The following SEMA3A variants were observed in gnomAD, a reference collection of about 807,000 sequenced individuals.
SEMA3A encodes semaphorin 3A, also known as semaphorin-3A.
Under a neutral mutation model 97.9 loss-of-function variants are expected in SEMA3A, and 29 were observed. The ratio of observed to expected loss-of-function variants is 0.30; its 90% CI spans 0.22 to 0.40. The LOEUF is 0.40. Ranked by LOEUF, SEMA3A falls within the 10% of genes least tolerant of loss-of-function variation. SEMA3A has a pLI of 1.00. For missense variants in SEMA3A, 763 were observed against 951.3 expected, an observed-to-expected ratio of 0.80 and a Z score of 2.60; for synonymous variants, 321 against 323.7, an observed-to-expected ratio of 0.99 and a Z score of 0.09.
chr7:84,368,870 G>A (rs953452200), intron 2 of SEMA3A, among the ~76,000 whole-genome samples: 8 of 150,774 alleles, frequency 5.3e-5, no homozygotes, highest in Admixed American at 2.7e-4. Context: ...ATAATAACAA[G>A]TGTAAGATAA....
At chr7:84,202,175 G>A (rs2116298864) in intron 3 of SEMA3A, among the ~76,000 whole-genome samples, 1 of 152,194 alleles carries the variant, frequency 6.6e-6, no homozygotes, top group African/African-American at 2.4e-5. Context: ...GGCAACTATA[G>A]TTTGCAATAT....
intron 2 of SEMA3A, among the ~76,000 whole-genome samples, chr7:84,315,388 G>A (rs1801471546): frequency 6.6e-6 from 1 of 151,904 alleles, no homozygotes; most frequent in Non-Finnish European, 1.5e-5. Flanking sequence ...TTGGATGATC[G>A]ACACAATAAC....
At chr7:84,412,751 T>C (rs150083587) in intron 1 of SEMA3A, among the ~76,000 whole-genome samples, 2,366 of 152,286 alleles carry the variant, frequency 0.016, 67 homozygotes, top group African/African-American at 0.053. Flanking sequence ...ACTATTTCCA[T>C]GATTTCTTCC....
At position 84,002,878 on chromosome 7, in the gene SEMA3A, CACTCTT is replaced by C. The variant is rs545815166; in HGVS notation, c.1361-838_1361-833del. Among the ~76,000 whole-genome samples the C allele has an allele frequency of 1.4e-4, 22 of 152,216 alleles. No homozygotes were observed. In the South Asian group the frequency reaches 3.5e-3, roughly 24 times the overall value. ...AACTTGTTTTAATGACAAGAGTTGT[CACTCTT>C]ACTCTAAGTTGGGCTTAAAAGTTAT... On this transcript the variant is annotated intron_variant, in intron 11 of 16. Coordinates refer to ENST00000265362, the MANE Select transcript of SEMA3A (RefSeq NM_006080.3).
At chr7:84,179,963 C>CTTTT (rs1215492615) in intron 1 of SEMA3A, among the ~76,000 whole-genome samples, 2 of 109,440 alleles carry the variant, frequency 1.8e-5, no homozygotes, top group Admixed American at 1.0e-4. Context: ...CTTGACTGTT[C>CTTTT]TTTTTTTTTT....
intron 2 of SEMA3A, among the ~76,000 whole-genome samples, chr7:84,312,664 T>A (rs1228971350): frequency 1.3e-5 from 2 of 149,356 alleles, no homozygotes; most frequent in Admixed American, 1.3e-4. Context: ...CACATTTGTG[T>A]GCTTGTACAC....
chr7:84,177,897 G>A (rs1053621214), intron 1 of SEMA3A, among the ~76,000 whole-genome samples: 1 of 152,062 alleles, frequency 6.6e-6, no homozygotes. Flanking sequence ...TGCAACTACT[G>A]GAATATCTTG....
At chr7:84,079,234 A>C (rs539749487) in intron 4 of SEMA3A, among the ~76,000 whole-genome samples, 6 of 152,122 alleles carry the variant, frequency 3.9e-5, no homozygotes, top group Non-Finnish European at 8.8e-5. Context: ...CATTCGACCT[A>C]AAACCATAAA....
chr7:84,295,234 G>C (rs1017696034), intron 3 of SEMA3A, among the ~76,000 whole-genome samples: 1 of 151,752 alleles, frequency 6.6e-6, no homozygotes, highest in Non-Finnish European at 1.5e-5. Flanking sequence ...ATGGTCTCTT[G>C]GTTCAAAATA....
At chr7:84,416,619 A>G (rs1467376635) in intron 1 of SEMA3A, among the ~76,000 whole-genome samples, 1 of 152,258 alleles carries the variant, frequency 6.6e-6, no homozygotes, top group Admixed American at 6.6e-5. Flanking sequence ...ATTTAGCTTA[A>G]AAACGCAAAG....
intron 2 of SEMA3A, among the ~76,000 whole-genome samples, chr7:84,309,327 G>C (rs1188718892): frequency 6.6e-6 from 1 of 152,172 alleles, no homozygotes; most frequent in Non-Finnish European, 1.5e-5. Flanking sequence ...GAAGTTCTGA[G>C]TTCCTTCTGG....
Position 84,311,215 on chromosome 7 carries a change from CT to C in SEMA3A, c.-168-3924del, listed in dbSNP as rs1801307327. Among the ~76,000 whole-genome samples, 7 of 152,014 alleles carry C rather than the reference CT, an allele frequency of 4.6e-5. No homozygotes were observed. In the South Asian group the frequency reaches 1.5e-3, roughly 32 times the overall value. On this transcript the variant is annotated intron_variant, in intron 2 of 3. Coordinates refer to the SEMA3A transcript ENST00000424555. ...ATTAGACATACAACCAAAATATAAC[CT>C]TCTGGCCAGCTGGGACTTGTTTTTT...
intron 4 of SEMA3A, among the ~76,000 whole-genome samples, chr7:84,072,449 G>A (rs1262037869): frequency 6.6e-6 from 1 of 152,060 alleles, no homozygotes; most frequent in Non-Finnish European, 1.5e-5. Flanking sequence ...GCAGCTCTGG[G>A]ATGTAGGCAA....
At chr7:84,021,310 T>C (rs973081107) in intron 6 of SEMA3A, among the ~76,000 whole-genome samples, 2 of 152,218 alleles carry the variant, frequency 1.3e-5, no homozygotes, top group African/African-American at 4.8e-5. Context: ...TTTTATAACA[T>C]TTAATTCTTT....
intron 1 of SEMA3A, among the ~76,000 whole-genome samples, chr7:84,425,744 T>G (rs879798902): frequency 1.3e-5 from 2 of 149,156 alleles, no homozygotes; most frequent in Non-Finnish European, 3.0e-5. Flanking sequence ...AGTCTGAGGT[T>G]CGCAGATCAC....
At chr7:84,301,499 T>A (rs1344267965) in intron 3 of SEMA3A, among the ~76,000 whole-genome samples, 1 of 152,102 alleles carries the variant, frequency 6.6e-6, no homozygotes, top group Non-Finnish European at 1.5e-5. Context: ...CTCAATATCA[T>A]CAGTTATCAG....
chr7:84,447,714 T>C (rs1384099245), intron 1 of SEMA3A, among the ~76,000 whole-genome samples: 1 of 152,202 alleles, frequency 6.6e-6, no homozygotes, highest in African/African-American at 2.4e-5. Flanking sequence ...GCATACCTCA[T>C]TCTTCCTGGA....
At chr7:84,320,251 A>T (rs901287210) in intron 2 of SEMA3A, among the ~76,000 whole-genome samples, 5 of 152,090 alleles carry the variant, frequency 3.3e-5, no homozygotes, top group Non-Finnish European at 7.4e-5. Context: ...TAAGAAAATA[A>T]TTTTTTGTCT....
intron 2 of SEMA3A, among the ~76,000 whole-genome samples, chr7:84,309,236 G>A (rs1584225954): frequency 6.6e-6 from 1 of 152,102 alleles, no homozygotes; most frequent in South Asian, 2.1e-4. Flanking sequence ...GTTGAGTTCC[G>A]GAGAGGATAG....
Sources: gnomAD v4.1 joint callset for allele counts (sites outside exome capture counted in the v4.1 genomes callset) on GRCh38, gnomAD v4.1.1 for gene constraint, MANE v1.5 for transcripts, NCBI Gene and HGNC (gene_info 2026-07-23, HGNC 2026-07-21) for gene names.